The following PLXDC1 variants were observed in gnomAD, a reference collection of about 807,000 sequenced individuals.
PLXDC1 encodes the protein plexin domain containing 1.
In PLXDC1, 39 loss-of-function variants were observed where a neutral mutation model predicts 61.3. The ratio of observed to expected loss-of-function variants is 0.64; its 90% CI spans 0.49 to 0.83. The LOEUF is 0.83. Ranked by LOEUF, PLXDC1 falls within the 40% of genes least tolerant of loss-of-function variation. The pLI, the probability that PLXDC1 is intolerant of heterozygous loss-of-function variation, is 0.00. For synonymous variants in PLXDC1, 212 were observed against 254.5 expected (o/e 0.83, Z 1.59); for missense variants, 596 against 666.5 (o/e 0.89, Z 1.17).
chr17:39,110,508 G>A (rs992848766), intron 2 of PLXDC1, among the ~76,000 whole-genome samples: 2 of 152,230 alleles, frequency 1.3e-5, no homozygotes, highest in South Asian at 2.1e-4. Flanking sequence ...AGAGAGGGGC[G>A]ATGTGGAAGC....
chr17:39,083,631 A>G lies in PLXDC1; in HGVS notation c.908-91T>C, dbSNP rs183506500. 6.8e-4 allele frequency: 665 copies of G among 975,746 alleles called. 1 individual carries two copies. The highest frequency in any genetic ancestry group is 1.0e-3 in the Admixed American group (51 of 50,272). The allele number at this position is 975,746 out of a possible 1,614,324, so 60.4% of individuals were successfully genotyped here. On this transcript the variant is annotated intron_variant, in intron 8 of 13. Coordinates refer to ENST00000315392, the MANE Select transcript of PLXDC1 (RefSeq NM_020405.5). ...CTGAATTCCTGGTATTTACAGAACT[A>G]TGGAGCCCCTGACTTTGAGGAGACC...
At chr17:39,081,846 G>A (rs1277000774) in intron 9 of PLXDC1, among the ~76,000 whole-genome samples, 5 of 152,104 alleles carry the variant, frequency 3.3e-5, no homozygotes, top group Admixed American at 2.6e-4. Flanking sequence ...GGGGGACTGA[G>A]GCAGGAGGAT....
At chr17:39,127,713 TG>T (rs1376564139) in intron 2 of PLXDC1, among the ~76,000 whole-genome samples, 1 of 151,900 alleles carries the variant, frequency 6.6e-6, no homozygotes, top group Non-Finnish European at 1.5e-5. Flanking sequence ...CCCAGCACTT[TG>T]GGATGCCGAG....
chr17:39,081,204 C>T (rs1210089444), intron 9 of PLXDC1: 2 of 152,650 alleles, frequency 1.3e-5, no homozygotes, highest in Non-Finnish European at 2.9e-5. Context: ...GAGAGCCTCA[C>T]AGTCTGCAGA....
chr17:39,076,234 C>T (rs1317371326), intron 11 of PLXDC1, among the ~76,000 whole-genome samples: 1 of 152,046 alleles, frequency 6.6e-6, no homozygotes, highest in East Asian at 1.9e-4. Context: ...ATGGGCCAGG[C>T]ATGGGGGCTT....
At chr17:39,094,339 G>A (rs527528799) in intron 7 of PLXDC1, among the ~76,000 whole-genome samples, 1 of 152,268 alleles carries the variant, frequency 6.6e-6, no homozygotes, top group Non-Finnish European at 1.5e-5. Flanking sequence ...GAAACTCCAA[G>A]TCTCCCATGT....
At chr17:39,097,871 C>T (rs1467715117) in intron 7 of PLXDC1, among the ~76,000 whole-genome samples, 7 of 140,770 alleles carry the variant, frequency 5.0e-5, no homozygotes, top group Middle Eastern at 4.0e-3. Flanking sequence ...TACTGCACTT[C>T]GGCCTGAGCG....
rs948171860 is a variant in PLXDC1 at position 39,108,816 on chromosome 17, C to T, written c.469+88G>A. 3 of 832,786 alleles carry T rather than the reference C, an allele frequency of 3.6e-6. No individual in the cohort carries two copies. In the African/African-American group the frequency reaches 5.0e-5, roughly 14 times the overall value. 51.6% of individuals were successfully genotyped at this position (832,786 alleles called of 1,614,324 possible). On this transcript the variant is annotated intron_variant, in intron 4 of 13. Coordinates refer to ENST00000315392, the MANE Select transcript of PLXDC1 (RefSeq NM_020405.5). The stretch of plus-strand genomic sequence containing the variant: ...TGCCTTCCTCCCATTTCATATAACC[C>T]TGTCTCCAGTGAGCCACCCCTGGGA...
At chr17:39,100,273 C>G (rs772557511) in intron 7 of PLXDC1, among the ~76,000 whole-genome samples, 3 of 152,124 alleles carry the variant, frequency 2.0e-5, no homozygotes, top group Non-Finnish European at 4.4e-5. Flanking sequence ...TTCACTCTTT[C>G]ACCCAGTGAA....
intron 2 of PLXDC1, among the ~76,000 whole-genome samples, chr17:39,138,441 C>G (rs932615927): frequency 6.6e-6 from 1 of 152,158 alleles, no homozygotes; most frequent in Non-Finnish European, 1.5e-5. Flanking sequence ...ACCGAGCACA[C>G]GGATTGAACA....
At chr17:39,129,177 G>C (rs945096865) in intron 2 of PLXDC1, among the ~76,000 whole-genome samples, 1 of 151,814 alleles carries the variant, frequency 6.6e-6, no homozygotes, top group Non-Finnish European at 1.5e-5. Flanking sequence ...AATTAGCTGG[G>C]CGTGGTGGCA....
At chr17:39,128,161 A>ATGTATATATATG (rs1567769648) in intron 2 of PLXDC1, among the ~76,000 whole-genome samples, 4 of 76,934 alleles carry the variant, frequency 5.2e-5, no homozygotes, top group African/African-American at 1.3e-4. Flanking sequence ...GTGTATATAT[A>ATGTATATATATG]TGTATATATA....
rs978579053 is a variant in PLXDC1, at chr17:39,108,118, C to T, written c.592+5G>A. 63 of 1,614,030 alleles carry T rather than the reference C, an allele frequency of 3.9e-5. No individual in the cohort carries two copies. The highest frequency in any genetic ancestry group is 4.6e-5 in the Non-Finnish European group (54 of 1,180,016). ...GGTGACTTAAATTCTGAGATCCAGT[C>T]TCACCATTGTCAAAGTAAACAACTG... On this transcript the variant is annotated splice_donor_5th_base_variant and intron_variant, in intron 5 of 13. Transcript: ENST00000315392.
At chr17:39,130,988 C>T (rs374537132) in intron 2 of PLXDC1, among the ~76,000 whole-genome samples, 3 of 152,144 alleles carry the variant, frequency 2.0e-5, no homozygotes, top group South Asian at 2.1e-4. Context: ...GGAACCGGAC[C>T]GGGAGAAAAC....
At chr17:39,134,550 C>T (rs1419187529) in intron 2 of PLXDC1, among the ~76,000 whole-genome samples, 5 of 150,858 alleles carry the variant, frequency 3.3e-5, no homozygotes, top group Non-Finnish European at 7.4e-5. Context: ...TGCTAGAACC[C>T]GGGAGGCAGA....
intron 8 of PLXDC1, among the ~76,000 whole-genome samples, chr17:39,086,968 A>C (rs1909765813): frequency 6.6e-6 from 1 of 152,142 alleles, no homozygotes; most frequent in Non-Finnish European, 1.5e-5. Context: ...TGGGAGAGGA[A>C]ATGAAGACCT....
chr17:39,088,973 G>A (rs1909849723), intron 7 of PLXDC1, among the ~76,000 whole-genome samples: 3 of 127,954 alleles, frequency 2.3e-5, no homozygotes, highest in African/African-American at 2.8e-5. Flanking sequence ...AAGAGAGAGA[G>A]AGAAAAAGAA....
chr17:39,114,662 A>C (rs1456453070), intron 2 of PLXDC1, among the ~76,000 whole-genome samples: 3 of 152,240 alleles, frequency 2.0e-5, no homozygotes, highest in African/African-American at 7.2e-5. Flanking sequence ...CCTGTTTTAC[A>C]GGTACCACTA....
intron 1 of PLXDC1, among the ~76,000 whole-genome samples, chr17:39,149,906 ACT>A (rs2045362663): frequency 6.6e-6 from 1 of 151,618 alleles, no homozygotes; most frequent in Non-Finnish European, 1.5e-5. Flanking sequence ...AACATATCCA[ACT>A]CTCTCCTGTT....
Sources: allele counts gnomAD v4.1 joint callset (sites outside exome capture counted in the v4.1 genomes callset), GRCh38; gene constraint gnomAD v4.1.1; transcripts MANE v1.5; gene names NCBI Gene and HGNC (gene_info 2026-07-23, HGNC 2026-07-21).